Variants in CADPS2 observed in about 807,000 individuals in gnomAD.
The protein encoded by CADPS2 is calcium dependent secretion activator 2, also known as calcium-dependent secretion activator 2.
CADPS2 carries 93 observed loss-of-function variants against 172.5 expected under a neutral mutation model. The ratio of observed to expected loss-of-function variants is 0.54; its 90% CI spans 0.46 to 0.64. The LOEUF is 0.64. CADPS2 is among the 30% of genes least tolerant of loss of function. CADPS2 has a pLI of 0.00. For synonymous variants in CADPS2, 546 were observed against 555.2 expected (o/e 0.98, Z 0.23); for missense variants, 1,420 against 1,565.9 (o/e 0.91, Z 1.57).
intron 3 of CADPS2, among the ~76,000 whole-genome samples, chr7:122,642,777 T>TTAA (rs1162186641): frequency 6.6e-6 from 1 of 152,132 alleles, no homozygotes; most frequent in Non-Finnish European, 1.5e-5. Context: ...AAAAGGGGGA[T>TTAA]TAATAACTGT....
intron 1 of CADPS2, among the ~76,000 whole-genome samples, chr7:122,754,139 C>A (rs1303583566): frequency 2.0e-5 from 3 of 152,128 alleles, no homozygotes; most frequent in African/African-American, 4.8e-5. Context: ...TGTTTACATG[C>A]AAATGTATTT....
intron 7 of CADPS2, among the ~76,000 whole-genome samples, chr7:122,578,597 T>A (rs1176578580): frequency 6.6e-6 from 1 of 152,134 alleles, no homozygotes; most frequent in Admixed American, 6.6e-5. Context: ...GCATATCTAA[T>A]GTGCAGGGCC....
intron 6 of CADPS2, among the ~76,000 whole-genome samples, chr7:122,595,888 T>C (rs1304044635): frequency 6.6e-6 from 1 of 151,952 alleles, no homozygotes; most frequent in Admixed American, 6.6e-5. Flanking sequence ...AACAAAAGCA[T>C]GATGCATAGA....
chr7:122,491,516 AT>A (rs2058286202), intron 9 of CADPS2, 96 bp from the exon 10 acceptor site: 1 of 587,786 alleles, frequency 1.7e-6, no homozygotes, highest in East Asian at 3.1e-5. Context: ...CCAATTAAAA[AT>A]ATAACATAAT....
At chr7:122,737,662 T>C (rs2137833777) in intron 1 of CADPS2, among the ~76,000 whole-genome samples, 1 of 152,264 alleles carries the variant, frequency 6.6e-6, no homozygotes, top group South Asian at 2.1e-4. Flanking sequence ...ATCTCAAATT[T>C]CCAGAATTCT....
rs1263279489 is a variant in CADPS2, at chr7:122,416,139, A to C, written c.2502T>G (p.Ala834=). The C allele has an allele frequency of 6.4e-7, 1 of 1,550,808 alleles. No individual in the cohort carries two copies. The highest frequency in any genetic ancestry group is 2.4e-5 in the East Asian group (1 of 42,408). ...GATGAAGAATCTCTTCCAGCTTTCTAGCAGGAGATGCCTGGTTCATGGTCT... is the reference window on the plus strand; with the variant it reads ...GATGAAGAATCTCTTCCAGCTTTCTCGCAGGAGATGCCTGGTTCATGGTCT... The part of the protein sequence containing the change: ...IEETMNQASP[A]RKLEEILHLA... The change falls in exon 18 of 30, where the codon GCT becomes GCG. Residue 834 remains alanine (A), a synonymous_variant. Coordinates refer to ENST00000449022, the MANE Select transcript of CADPS2 (RefSeq NM_017954.11).
intron 2 of CADPS2, among the ~76,000 whole-genome samples, chr7:122,724,386 T>A (rs1285063706): frequency 6.6e-6 from 1 of 151,928 alleles, no homozygotes; most frequent in Admixed American, 6.6e-5. Context: ...ATATGTTCAG[T>A]GTCGTATAAG....
intron 2 of CADPS2, among the ~76,000 whole-genome samples, chr7:122,735,896 T>A (rs987321910): frequency 6.6e-6 from 1 of 152,180 alleles, no homozygotes; most frequent in Non-Finnish European, 1.5e-5. Flanking sequence ...TTTTACATGA[T>A]GAAATCTTCC....
chr7:122,546,460 CCTTTT>C (rs2063628366), intron 8 of CADPS2, among the ~76,000 whole-genome samples: 1 of 152,114 alleles, frequency 6.6e-6, no homozygotes, highest in Non-Finnish European at 1.5e-5. Context: ...TGAAGAGATT[CCTTTT>C]CATCATTCCT....
At chr7:122,882,064 C>T (rs1180637359) in intron 1 of CADPS2, among the ~76,000 whole-genome samples, 1 of 152,032 alleles carries the variant, frequency 6.6e-6, no homozygotes, top group Admixed American at 6.6e-5. Flanking sequence ...TAAAAGTGGC[C>T]ACTTTATAGT....
At chr7:122,617,615 A>G (rs2075070282) in intron 5 of CADPS2, among the ~76,000 whole-genome samples, 1 of 152,216 alleles carries the variant, frequency 6.6e-6, no homozygotes, top group Non-Finnish European at 1.5e-5. Context: ...CAGAGTTAGG[A>G]GACATTTAAG....
chr7:122,635,760 C>A (rs1228262994), intron 3 of CADPS2, among the ~76,000 whole-genome samples: 1 of 152,084 alleles, frequency 6.6e-6, no homozygotes, highest in Non-Finnish European at 1.5e-5. Context: ...TCAAGAAGAA[C>A]CCATTTTATG....
intron 11 of CADPS2, among the ~76,000 whole-genome samples, chr7:122,483,999 A>G (rs939156478): frequency 2.8e-4 from 42 of 152,164 alleles, no homozygotes; most frequent in Non-Finnish European, 4.0e-4. Context: ...CACAGATTGG[A>G]AGACTCAATA....
At chr7:122,483,315 GGAA>G (rs1486072315) in intron 11 of CADPS2, among the ~76,000 whole-genome samples, 2 of 152,010 alleles carry the variant, frequency 1.3e-5, no homozygotes, top group Non-Finnish European at 2.9e-5. Flanking sequence ...ATTTCTCATT[GGAA>G]AAACAAATGC....
chr7:122,320,729 CATTAT>C (rs558114392), intron 29 of CADPS2, among the ~76,000 whole-genome samples: 67 of 152,122 alleles, frequency 4.4e-4, no homozygotes, highest in African/African-American at 1.6e-3. Context: ...CTGAAAAATA[CATTAT>C]ATTTTATAAA....
intron 17 of CADPS2, among the ~76,000 whole-genome samples, chr7:122,417,279 G>A (rs1220619479): frequency 6.6e-6 from 1 of 152,172 alleles, no homozygotes; most frequent in Non-Finnish European, 1.5e-5. Context: ...CTCAGACACA[G>A]TGCAATGTAC....
At chr7:122,655,926 C>T (rs1270278644) in intron 3 of CADPS2, among the ~76,000 whole-genome samples, 2 of 152,106 alleles carry the variant, frequency 1.3e-5, no homozygotes, top group Non-Finnish European at 2.9e-5. Flanking sequence ...AGTCATCACT[C>T]CCATCCTCAG....
intron 3 of CADPS2, among the ~76,000 whole-genome samples, chr7:122,633,702 A>G (rs1437276059): frequency 1.3e-5 from 2 of 152,048 alleles, no homozygotes; most frequent in Non-Finnish European, 2.9e-5. Context: ...CTATTGCCTG[A>G]TTTCTCTGGC....
At chr7:122,517,763 T>A (rs1488301306) in intron 8 of CADPS2, among the ~76,000 whole-genome samples, 1 of 151,938 alleles carries the variant, frequency 6.6e-6, no homozygotes, top group Non-Finnish European at 1.5e-5. Context: ...GAATTTAGAG[T>A]AGTCTAAATT....
Sources: gnomAD v4.1 joint callset for allele counts (sites outside exome capture counted in the v4.1 genomes callset) on GRCh38, gnomAD v4.1.1 for gene constraint, MANE v1.5 for transcripts, NCBI Gene and HGNC (gene_info 2026-07-23, HGNC 2026-07-21) for gene names.